The following ADGRV1 variants were observed in gnomAD, a reference collection of about 807,000 sequenced individuals.
The protein encoded by ADGRV1 is adhesion G protein-coupled receptor V1.
In ADGRV1, 359 loss-of-function variants were observed where a neutral mutation model predicts 596.2. The observed-to-expected ratio is 0.60, with a 90% CI of 0.55 to 0.66. The LOEUF (loss-of-function observed/expected upper bound fraction) is 0.66, where lower values mean the gene tolerates loss of function less well. Among genes scored for constraint, ADGRV1 ranks in the 30% least tolerant of loss-of-function variants. The probability of loss-of-function intolerance (pLI) is 0.00; values close to 1 mark genes in which losing one functional copy is unlikely to be tolerated. For synonymous variants in ADGRV1, 2,681 were observed against 2,679.2 expected (o/e 1.00, Z -0.02); for missense variants, 7,274 against 7,575.6 (o/e 0.96, Z 1.48).
At chr5:90,720,373 C>A (rs1750757400) in intron 44 of ADGRV1, 150 bp downstream of exon 44, 2 of 483,182 alleles carry the variant, frequency 4.1e-6, no homozygotes, top group Non-Finnish European at 7.0e-6. Context: ...CTAGAGAGAC[C>A]AGTTACTCTC....
intron 52 of ADGRV1, 97 bp from the exon 53 acceptor site, chr5:90,750,454 C>T: frequency 9.9e-7 from 1 of 1,006,268 alleles, no homozygotes; most frequent in Non-Finnish European, 1.5e-6. Context: ...TGCTTAGGAC[C>T]ACAAAGTTTG....
chr5:90,945,939 C>T (rs1472551978), intron 83 of ADGRV1, among the ~76,000 whole-genome samples: 1 of 152,002 alleles, frequency 6.6e-6, no homozygotes, highest in Non-Finnish European at 1.5e-5. Context: ...GATCTTGCCA[C>T]TGTACTCTAT....
chr5:90,964,706 C>T (rs1282216110), intron 83 of ADGRV1, among the ~76,000 whole-genome samples: 3 of 145,032 alleles, frequency 2.1e-5, no homozygotes, highest in Non-Finnish European at 4.5e-5. Context: ...GGATTATATT[C>T]TAGGAGGTGA....
Position 90,712,279 on chromosome 5 carries a change from T to C in ADGRV1, c.9043-8T>C. The C allele has an allele frequency of 6.6e-7, 1 of 1,507,320 alleles. No homozygotes were observed. Among genetic ancestry groups the C allele is most frequent in the Non-Finnish European group, 9.0e-7 (1 of 1,116,666 alleles). The allele number at this position is 1,507,320 out of a possible 1,614,324, so 93.4% of individuals were successfully genotyped here. A position where few individuals can be genotyped will look rare whatever the true frequency, so the allele number is the denominator to read the frequency against. On this transcript the variant is annotated splice_region_variant and splice_polypyrimidine_tract_variant and intron_variant, in intron 41 of 89. Transcript: ENST00000405460. ...TATAATACATTCTGCTTTTACCTTT[T>C]TGACCAGATTCTTCATTTTGCTGAT...
intron 86 of ADGRV1, among the ~76,000 whole-genome samples, chr5:91,095,723 A>T (rs576993477): frequency 2.0e-5 from 3 of 152,110 alleles, no homozygotes; most frequent in Admixed American, 2.0e-4. Context: ...GTTTCAATCT[A>T]TCTTTCTAAT....
chr5:90,694,386 G>T lies in ADGRV1; in HGVS notation c.7630G>T (p.Glu2544Ter). Residue 2544 changes from glutamate (E) to a stop codon, truncating the protein, a stop_gained, in exon 33 of 90, where the codon GAA (glutamate) becomes TAA (stop). Coordinates refer to ENST00000405460, the MANE Select transcript of ADGRV1 (RefSeq NM_032119.4). LOFTEE classifies it high-confidence loss of function. ...TGAGAGTTTTCTAATTTCTCTCCTT[G>T]AAGTTCACCTCATGAACATTTCAGC... ...MDESFLISLL[E>*]VHLMNISASL... 1 of 1,613,962 alleles carries T rather than the reference G, an allele frequency of 6.2e-7. No homozygotes were observed. The highest frequency in any genetic ancestry group is 1.1e-5 in the South Asian group (1 of 91,088).
In ADGRV1 at chr5:91,027,407, G is replaced by A. The variant is rs367727143; in HGVS notation, c.18152+41885G>A. Among the ~76,000 whole-genome samples, 5 of 152,182 alleles carry A rather than the reference G, an allele frequency of 3.3e-5. No homozygotes were observed. The East Asian group carries it at 5.8e-4, about 18-fold the overall frequency. ...TCTGTTCATTTGCAATACTGAGAAGGTGAGATACAGTGAGTGTATTTCCTT... is the reference window on the plus strand; with the variant it reads ...TCTGTTCATTTGCAATACTGAGAAGATGAGATACAGTGAGTGTATTTCCTT... On this transcript the variant is annotated intron_variant, in intron 85 of 89. Coordinates refer to ENST00000405460, the MANE Select transcript of ADGRV1 (RefSeq NM_032119.4).
intron 87 of ADGRV1, among the ~76,000 whole-genome samples, chr5:91,119,349 G>A (rs1793113565): frequency 1.3e-5 from 2 of 152,202 alleles, no homozygotes; most frequent in Admixed American, 1.3e-4. Context: ...GATTGCTTAT[G>A]TTTTTAGAGC....
chr5:90,933,553 T>C (rs1268345205), intron 83 of ADGRV1, among the ~76,000 whole-genome samples: 2 of 152,190 alleles, frequency 1.3e-5, no homozygotes, highest in Non-Finnish European at 2.9e-5. Context: ...CAGGACCTAG[T>C]AGAATTTTTC....
rs895205128 is a variant in ADGRV1, at chr5:90,770,167, C to T, written c.12286-4019C>T. 2.6e-5 allele frequency among the ~76,000 whole-genome samples: 4 copies of T among 152,204 alleles called. No homozygotes were observed. The East Asian group carries it at 7.7e-4, about 29-fold the overall frequency. On this transcript the variant is annotated intron_variant, in intron 59 of 89. Transcript: ENST00000405460. The stretch of plus-strand genomic sequence containing the variant: ...GGCTGGAGAGGCCTCACAATTATGG[C>T]AGAAGATGAAGGAGGAGCAAAGGCA...
At chr5:90,971,607 T>C (rs1231193669) in intron 84 of ADGRV1, among the ~76,000 whole-genome samples, 3 of 152,156 alleles carry the variant, frequency 2.0e-5, no homozygotes, top group Admixed American at 6.6e-5. Context: ...AACTAAGCTT[T>C]GTAAGTGAAG....
chr5:90,603,894 GCA>G (rs140733131), intron 1 of ADGRV1, among the ~76,000 whole-genome samples: 31,769 of 135,640 alleles, frequency 0.23, 4,554 homozygotes, highest in Non-Finnish European at 0.33. Context: ...GTACGTGCCT[GCA>G]CACACGTGTG....
intron 83 of ADGRV1, among the ~76,000 whole-genome samples, chr5:90,890,523 A>G (rs747434565): frequency 1.3e-4 from 20 of 152,200 alleles, no homozygotes; most frequent in Non-Finnish European, 2.5e-4. Context: ...TAAATGAAGC[A>G]TATTTCCTAT....
chr5:90,811,947 GA>G (rs1303391427), intron 74 of ADGRV1, among the ~76,000 whole-genome samples: 1 of 132,938 alleles, frequency 7.5e-6, no homozygotes, highest in African/African-American at 2.7e-5. Flanking sequence ...TTTTTTTTTG[GA>G]GATGGAGTCT....
At chr5:90,749,076 C>G (rs1754967374) in intron 52 of ADGRV1, among the ~76,000 whole-genome samples, 1 of 152,190 alleles carries the variant, frequency 6.6e-6, no homozygotes, top group African/African-American at 2.4e-5. Flanking sequence ...TGCAGCCTTG[C>G]AGCAGATGGA....
intron 70 of ADGRV1, chr5:90,792,114 G>A (rs1410545903): frequency 2.0e-5 from 3 of 152,166 alleles, no homozygotes; most frequent in Non-Finnish European, 2.9e-5. Context: ...TAGACAGATT[G>A]GTGTCATCTT....
intron 15 of ADGRV1, among the ~76,000 whole-genome samples, chr5:90,645,445 T>C (rs962531041): frequency 1.2e-4 from 18 of 152,214 alleles, no homozygotes; most frequent in African/African-American, 4.3e-4. Flanking sequence ...AGAAACAGCG[T>C]CCACCTGGGG....
intron 86 of ADGRV1, among the ~76,000 whole-genome samples, chr5:91,082,258 T>C (rs938877787): frequency 2.0e-4 from 31 of 152,230 alleles, no homozygotes; most frequent in African/African-American, 7.5e-4. Context: ...GTATTCAGGC[T>C]AAGTAAGTTT....
intron 84 of ADGRV1, 102 bp downstream of exon 84, chr5:90,965,633 G>T (rs900377491): frequency 5.0e-6 from 3 of 604,032 alleles, no homozygotes; most frequent in Non-Finnish European, 8.8e-6. Context: ...AAGTAATTCC[G>T]TATATCCATC....
Sources: allele counts gnomAD v4.1 joint callset (sites outside exome capture counted in the v4.1 genomes callset), GRCh38; gene constraint gnomAD v4.1.1; transcripts MANE v1.5; gene names NCBI Gene and HGNC (gene_info 2026-07-23, HGNC 2026-07-21).